PKNOX2: variants seen among roughly 807,000 people sequenced by gnomAD.
The protein encoded by PKNOX2 is homeobox protein PKNOX2.
In PKNOX2, 14 loss-of-function variants were observed where a neutral mutation model predicts 53.1. The observed-to-expected ratio is 0.26, with a 90% CI of 0.17 to 0.41. The LOEUF (loss-of-function observed/expected upper bound fraction) is 0.41. PKNOX2 is among the 10% of genes least tolerant of loss of function. The pLI, the probability that PKNOX2 is intolerant of heterozygous loss-of-function variation, is 1.00. For synonymous variants in PKNOX2, 257 were observed against 242.8 expected, an observed-to-expected ratio of 1.06 and a Z score of -0.54; for missense variants, 496 against 602.8, an observed-to-expected ratio of 0.82 and a Z score of 1.85.
intron 2 of PKNOX2, among the ~76,000 whole-genome samples, chr11:125,309,239 T>G (rs1948659940): frequency 6.6e-6 from 1 of 150,676 alleles, no homozygotes; most frequent in African/African-American, 2.5e-5. Flanking sequence ...CCTTCCTTCC[T>G]CTCTTTCTTC....
At chr11:125,220,345 C>T (rs754873540) in intron 1 of PKNOX2, among the ~76,000 whole-genome samples, 20 of 152,170 alleles carry the variant, frequency 1.3e-4, no homozygotes, top group East Asian at 3.8e-4. Context: ...AAAATATCTG[C>T]GGCTGCGTTC....
chr11:125,212,938 T>G (rs140465336), intron 1 of PKNOX2, among the ~76,000 whole-genome samples: 1 of 152,086 alleles, frequency 6.6e-6, no homozygotes. Context: ...CTACCCCATA[T>G]GTAGGCTCTT....
intron 1 of PKNOX2, among the ~76,000 whole-genome samples, chr11:125,225,152 C>T (rs1240436528): frequency 6.6e-6 from 1 of 152,210 alleles, no homozygotes; most frequent in Admixed American, 6.5e-5. Flanking sequence ...GATGTGCCTG[C>T]CCCAAAGGGG....
chr11:125,329,238 A>C (rs1950008845), intron 2 of PKNOX2, among the ~76,000 whole-genome samples: 1 of 152,256 alleles, frequency 6.6e-6, no homozygotes, highest in African/African-American at 2.4e-5. Flanking sequence ...TATTTAGTGA[A>C]CAGTATGAAA....
At chr11:125,183,647 T>G (rs1381827121) in intron 1 of PKNOX2, among the ~76,000 whole-genome samples, 3 of 148,350 alleles carry the variant, frequency 2.0e-5, no homozygotes, top group African/African-American at 7.6e-5. Flanking sequence ...TTTATTAACT[T>G]TTTTTTTTTG....
At chr11:125,216,949 G>A (rs909858584) in intron 1 of PKNOX2, among the ~76,000 whole-genome samples, 1 of 152,080 alleles carries the variant, frequency 6.6e-6, no homozygotes, top group African/African-American at 2.4e-5. Flanking sequence ...TGGCCAGGAT[G>A]TGCATGTGCG....
At chr11:125,400,709 C>T (rs940970484) in intron 7 of PKNOX2, among the ~76,000 whole-genome samples, 1 of 152,194 alleles carries the variant, frequency 6.6e-6, no homozygotes, top group Non-Finnish European at 1.5e-5. Context: ...CTCCCTGATG[C>T]CCCATCCAGA....
rs554984155 is a variant in PKNOX2, at chr11:125,256,129, C to T, written c.-130+21014C>T. Among the ~76,000 whole-genome samples, 44 of 152,190 alleles carry T rather than the reference C, an allele frequency of 2.9e-4. No homozygotes were observed. The South Asian group carries it at 4.2e-3, about 14-fold the overall frequency. ...TCCAGGCTGAAACGTCAGGGTGAAA[C>T]TTCCAGAACTGAGAAGCCACAGAAA... On this transcript the variant is annotated intron_variant, in intron 2 of 12. Coordinates refer to ENST00000298282, the MANE Select transcript of PKNOX2 (RefSeq NM_001382323.2).
Position 125,166,801 on chromosome 11 carries a change from G to A in PKNOX2, c.-201+2025G>A, listed in dbSNP as rs1954912914. Among the ~76,000 whole-genome samples, 1 of 152,138 alleles carries A rather than the reference G, an allele frequency of 6.6e-6. No homozygotes were observed. Among genetic ancestry groups the A allele is most frequent in the Admixed American group, 6.5e-5 (1 of 15,284 alleles). Reference sequence around the variant, plus strand: ...CCCGGGGGAGGAGGAAGCTTGGAGTGCCCTACTGTCATCTCTCCTGTCCGG... The same window carrying A: ...CCCGGGGGAGGAGGAAGCTTGGAGTACCCTACTGTCATCTCTCCTGTCCGG... On this transcript the variant is annotated intron_variant, in intron 1 of 12. Transcript: ENST00000298282. The surrounding 1 kb of genome is among the most constrained non-coding windows in gnomAD (Gnocchi z 4.0).
chr11:125,428,413 T>C lies in PKNOX2; in HGVS notation c.937-599T>C, dbSNP rs115382394. Among the ~76,000 whole-genome samples, 714 of 152,280 alleles carry C rather than the reference T, an allele frequency of 4.7e-3. 13 individuals carry two copies. Among genetic ancestry groups the C allele is most frequent in the African/African-American group, 0.016 (670 of 41,560 alleles). ...AATAACAATACCTAACCTGCCTGCC[T>C]TTCAGAGTTTCAATGATGTGCTTTA... On this transcript the variant is annotated intron_variant, in intron 10 of 12. Coordinates refer to ENST00000298282, the MANE Select transcript of PKNOX2 (RefSeq NM_001382323.2).
intron 2 of PKNOX2, among the ~76,000 whole-genome samples, chr11:125,262,898 T>C (rs1373422460): frequency 6.6e-6 from 1 of 152,216 alleles, no homozygotes; most frequent in East Asian, 1.9e-4. Context: ...TCTATTTCTA[T>C]GATCCGTTTC....
intron 1 of PKNOX2, among the ~76,000 whole-genome samples, chr11:125,219,922 C>G (rs1281212556): frequency 3.9e-5 from 6 of 152,134 alleles, no homozygotes; most frequent in Non-Finnish European, 7.3e-5. Flanking sequence ...ATTCTTGTAC[C>G]TATAGGAAAT....
intron 2 of PKNOX2, among the ~76,000 whole-genome samples, chr11:125,279,180 T>A (rs1483039015): frequency 6.6e-6 from 1 of 152,222 alleles, no homozygotes; most frequent in Admixed American, 6.5e-5. Context: ...CTTGTGGGCA[T>A]GCCTGTGTGG....
At chr11:125,366,235 C>A (rs958786465) in intron 4 of PKNOX2, among the ~76,000 whole-genome samples, 12 of 152,290 alleles carry the variant, frequency 7.9e-5, no homozygotes, top group African/African-American at 2.4e-4. Flanking sequence ...AGGACTCAAG[C>A]AATTGTCTTC....
intron 7 of PKNOX2, among the ~76,000 whole-genome samples, chr11:125,405,514 A>G (rs1955034362): frequency 6.6e-6 from 1 of 152,118 alleles, no homozygotes; most frequent in Admixed American, 6.5e-5. Context: ...CCACTTCCAA[A>G]AGTCATTCCA....
Position 125,410,252 on chromosome 11 carries a change from G to T in PKNOX2, c.645G>T (p.Gly215=), listed in dbSNP as rs199520187. The change falls in exon 8 of 13, where the codon GGG becomes GGT. Residue 215 remains glycine, a synonymous_variant. Transcript: ENST00000298282. ...CCGGAGTCTCCAATAACCCCCAGGGGATTGTGGTCCCAGCCTCAGCGCTCC... is the reference window on the plus strand; with the variant it reads ...CCGGAGTCTCCAATAACCCCCAGGGTATTGTGGTCCCAGCCTCAGCGCTCC... ...SMSGVSNNPQ[G]IVVPASALQQ... is the part of the protein sequence containing the mutation. 12 of 1,614,090 alleles carry T rather than the reference G, an allele frequency of 7.4e-6. No homozygotes were observed. The East Asian group carries it at 1.1e-4, about 15-fold the overall frequency.
chr11:125,165,386 C>G lies in PKNOX2; in HGVS notation c.-201+610C>G, dbSNP rs1191978587. ...CGCTCCGCGGGGAGAGGCTGGGAAC[C>G]GCGGGCAGGCTCCAGGTTCTCTTTC... is the stretch of plus-strand genomic sequence containing the variant. On this transcript the variant is annotated intron_variant, in intron 1 of 12. Coordinates refer to ENST00000298282, the MANE Select transcript of PKNOX2 (RefSeq NM_001382323.2). This position sits in a 1 kb window ranked among gnomAD's most constrained non-coding sequence, Gnocchi z 4.5. 6.6e-6 allele frequency among the ~76,000 whole-genome samples: 1 copy of G among 152,124 alleles called. No individual in the cohort carries two copies. Among genetic ancestry groups the G allele is most frequent in the Non-Finnish European group, 1.5e-5 (1 of 68,010 alleles).
intron 1 of PKNOX2, among the ~76,000 whole-genome samples, chr11:125,207,472 A>C (rs630018): frequency 0.48 from 73,077 of 151,674 alleles, 18,439 homozygotes; most frequent in African/African-American, 0.57. Flanking sequence ...TCCAGAGGAA[A>C]ACTGTGTTTA....
intron 7 of PKNOX2, among the ~76,000 whole-genome samples, chr11:125,403,237 T>A (rs116231221): frequency 0.012 from 1,899 of 152,198 alleles, 47 homozygotes; most frequent in African/African-American, 0.043. Flanking sequence ...CCAAGTGTAA[T>A]GATGGAGTAC....
Sources: allele counts gnomAD v4.1 joint callset (sites outside exome capture counted in the v4.1 genomes callset), GRCh38; gene constraint gnomAD v4.1.1; non-coding constraint Gnocchi (gnomAD v3.1); transcripts MANE v1.5; gene names NCBI Gene and HGNC (gene_info 2026-07-23, HGNC 2026-07-21).